PCDH15: variants seen among roughly 807,000 people sequenced by gnomAD.
The protein encoded by PCDH15 is protocadherin-15.
PCDH15 carries 129 observed loss-of-function variants against 178.5 expected under a neutral mutation model. The observed-to-expected ratio is 0.72, with a 90% CI of 0.63 to 0.84. The LOEUF (loss-of-function observed/expected upper bound fraction) is 0.84. Ranked by LOEUF, PCDH15 falls within the 40% of genes least tolerant of loss-of-function variation. The probability of loss-of-function intolerance (pLI) is 0.00; values close to 1 mark genes in which losing one functional copy is unlikely to be tolerated. For synonymous variants in PCDH15, 800 were observed against 732.0 expected (o/e 1.09, Z -1.50); for missense variants, 2,230 against 2,099.9 (o/e 1.06, Z -1.21).
chr10:55,289,495 G>C (rs1842955903), intron 1 of PCDH15, among the ~76,000 whole-genome samples: 1 of 151,592 alleles, frequency 6.6e-6, no homozygotes, highest in Non-Finnish European at 1.5e-5. Flanking sequence ...GAGAGGAAAA[G>C]AAGGAAAGAA....
intron 2 of PCDH15, among the ~76,000 whole-genome samples, chr10:55,395,996 C>T (rs1837919332): frequency 6.6e-6 from 1 of 151,990 alleles, no homozygotes; most frequent in South Asian, 2.1e-4. Flanking sequence ...CACACAAATG[C>T]TATATAAGCT....
chr10:55,173,340 TG>T (rs201572783), intron 1 of PCDH15, among the ~76,000 whole-genome samples: 2,373 of 150,256 alleles, frequency 0.016, 49 homozygotes, highest in African/African-American at 0.044. Flanking sequence ...TGTGTGTGTG[TG>T]TGTGTATGTG....
intron 1 of PCDH15, among the ~76,000 whole-genome samples, chr10:54,715,262 A>T (rs2132414892): frequency 6.6e-6 from 1 of 152,268 alleles, no homozygotes; most frequent in African/African-American, 2.4e-5. Context: ...ACCAATATGG[A>T]AAATAAATTT....
At chr10:53,944,416 AT>A (rs1190955015) in intron 23 of PCDH15, among the ~76,000 whole-genome samples, 1 of 152,188 alleles carries the variant, frequency 6.6e-6, no homozygotes, top group Non-Finnish European at 1.5e-5. Context: ...CTATTGCTCA[AT>A]TTCAGAAGCA....
intron 2 of PCDH15, among the ~76,000 whole-genome samples, chr10:55,542,563 ACACATATATACATAT>A (rs1477638926): frequency 6.6e-6 from 1 of 150,612 alleles, no homozygotes; most frequent in African/African-American, 2.4e-5. Context: ...ATGTGTATAT[ACACATATATACATAT>A]GTATGTGTCT....
At position 54,944,838 on chromosome 10, in the gene PCDH15, T is replaced by C. The variant is rs529405833; in HGVS notation, c.-79-47338A>G. 8.6e-5 allele frequency among the ~76,000 whole-genome samples: 13 copies of C among 151,994 alleles called. No individual in the cohort carries two copies. In the South Asian group the frequency reaches 1.5e-3, roughly 17 times the overall value. On this transcript the variant is annotated intron_variant, in intron 2 of 5. Coordinates refer to the PCDH15 transcript ENST00000458638. ...GAAACCTTAAAAGTCTAATTATTTATCAAAAGGAAACTTTGTTTACCTTAA... is the reference window on the plus strand; with the variant it reads ...GAAACCTTAAAAGTCTAATTATTTACCAAAAGGAAACTTTGTTTACCTTAA...
chr10:54,489,730 C>T (rs1262226061), intron 3 of PCDH15, among the ~76,000 whole-genome samples: 1 of 152,014 alleles, frequency 6.6e-6, no homozygotes, highest in African/African-American at 2.4e-5. Context: ...TACTAAATAC[C>T]CTTATGACTA....
At chr10:54,726,421 T>G (rs1344899174) in intron 1 of PCDH15, among the ~76,000 whole-genome samples, 14 of 6,248 alleles carry the variant, frequency 2.2e-3, no homozygotes, top group Middle Eastern at 0.083. Context: ...CCATCAGGGG[T>G]GTGTGTGTGT....
chr10:55,076,271 T>A (rs1258639060), intron 2 of PCDH15, among the ~76,000 whole-genome samples: 1 of 152,176 alleles, frequency 6.6e-6, no homozygotes, highest in Non-Finnish European at 1.5e-5. Flanking sequence ...CCAATTTAAG[T>A]CCAATGTTTC....
intron 2 of PCDH15, among the ~76,000 whole-genome samples, chr10:55,100,286 T>A (rs959606137): frequency 6.6e-6 from 1 of 152,286 alleles, no homozygotes; most frequent in Admixed American, 6.5e-5. Context: ...ATAATTAAAT[T>A]GAAAGCTTTC....
In PCDH15 at chr10:55,134,346, G is replaced by GTC. The variant is rs1838134428; in HGVS notation, c.-80+32229_-80+32230insGA. ...TGCCCAAGTATTATTTTCTCAGTAA[G>GTC]ACAAATTAGTGACCTTCACTCCTCT... On this transcript the variant is annotated intron_variant, in intron 2 of 5. Coordinates refer to the PCDH15 transcript ENST00000458638. Among the ~76,000 whole-genome samples, 9 of 152,200 alleles carry GTC rather than the reference G, an allele frequency of 5.9e-5. No homozygotes were observed. The South Asian group carries it at 1.7e-3, about 28-fold the overall frequency.
chr10:54,398,468 C>A (rs1721259447), intron 3 of PCDH15, among the ~76,000 whole-genome samples: 1 of 151,876 alleles, frequency 6.6e-6, no homozygotes, highest in Non-Finnish European at 1.5e-5. Flanking sequence ...ATTGTCCTAA[C>A]AATACTAGCT....
chr10:54,567,404 A>G (rs991504114), intron 2 of PCDH15, among the ~76,000 whole-genome samples: 2 of 152,180 alleles, frequency 1.3e-5, no homozygotes, highest in South Asian at 2.1e-4. Context: ...AGTCATTGCC[A>G]TACTCAAGGT....
rs141917248 is a variant in PCDH15, at chr10:55,587,548, T to A, written c.-156+40077A>T. Among the ~76,000 whole-genome samples the A allele has an allele frequency of 6.7e-3, 1,026 of 152,278 alleles. 12 individuals are homozygous for A. The highest frequency in any genetic ancestry group is 0.024 in the African/African-American group (977 of 41,558). ...TGCCTATAATATTTTATTAGTTTAA[T>A]CCTTCTGAAATAATCCTGGTCATTC... On this transcript the variant is annotated intron_variant, in intron 2 of 5. Coordinates refer to the PCDH15 transcript ENST00000613346.
At chr10:54,851,492 T>G (rs1170963380) in intron 3 of PCDH15, among the ~76,000 whole-genome samples, 1 of 152,180 alleles carries the variant, frequency 6.6e-6, no homozygotes, top group African/African-American at 2.4e-5. Flanking sequence ...CAGAGATTAT[T>G]TAACACCAGT....
At chr10:54,753,255 C>T (rs958167599) in intron 1 of PCDH15, among the ~76,000 whole-genome samples, 1 of 152,084 alleles carries the variant, frequency 6.6e-6, no homozygotes, top group Non-Finnish European at 1.5e-5. Context: ...CTGATCTCTG[C>T]TCACCGAAAC....
At chr10:54,260,008 T>C (rs1049764399) in intron 8 of PCDH15, among the ~76,000 whole-genome samples, 1 of 152,180 alleles carries the variant, frequency 6.6e-6, no homozygotes, top group African/African-American at 2.4e-5. Flanking sequence ...GCTAAATTTA[T>C]GCCACTAGAA....
chr10:54,783,997 AC>A (rs1431317261), intron 1 of PCDH15, among the ~76,000 whole-genome samples: 1 of 151,636 alleles, frequency 6.6e-6, no homozygotes, highest in Non-Finnish European at 1.5e-5. Flanking sequence ...GAAACAAGGC[AC>A]CTTTTTCACA....
chr10:54,765,772 A>G (rs570963162), intron 1 of PCDH15, among the ~76,000 whole-genome samples: 1 of 152,282 alleles, frequency 6.6e-6, no homozygotes, highest in South Asian at 2.1e-4. Flanking sequence ...ATCCAAAGCC[A>G]TGCTGACTTC....
Sources: gnomAD v4.1 joint callset for allele counts (sites outside exome capture counted in the v4.1 genomes callset) on GRCh38, gnomAD v4.1.1 for gene constraint, MANE v1.5 for transcripts, NCBI Gene and HGNC (gene_info 2026-07-23, HGNC 2026-07-21) for gene names.